ARID3C: variants seen among roughly 807,000 people sequenced by gnomAD.
ARID3C encodes the protein AT-rich interactive domain-containing protein 3C.
A neutral mutation model predicts 37.9 loss-of-function variants in ARID3C; 42 were observed. That is an observed-to-expected ratio of 1.11 (90% confidence interval 0.87 to 1.43). The LOEUF is 1.43. Among genes scored for constraint, ARID3C ranks in the 40% most tolerant of loss-of-function variants. The pLI, the probability that ARID3C is intolerant of heterozygous loss-of-function variation, is 0.00. For missense variants in ARID3C, 581 were observed against 548.8 expected (o/e 1.06, Z -0.59); for synonymous variants, 213 against 228.0 (o/e 0.93, Z 0.59).
At chr9:34,623,538 C>T in exon 4 of ARID3C, 1 of 1,582,432 alleles carries the variant, frequency 6.3e-7, no homozygotes, top group Non-Finnish European at 8.6e-7. Flanking sequence ...GGGGCCGGGA[C>T]CCAAGGCTGG....
chr9:34,623,147 C>CAAA (rs1334414839), intron 4 of ARID3C, among the ~76,000 whole-genome samples: 2 of 72,420 alleles, frequency 2.8e-5, no homozygotes, highest in African/African-American at 5.6e-5. Flanking sequence ...CTCCGTCTCA[C>CAAA]AAAAAAAAAA....
exon 7 of ARID3C, chr9:34,621,516 C>T (rs1820558951): frequency 6.4e-7 from 1 of 1,557,030 alleles, no homozygotes; most frequent in Non-Finnish European, 8.6e-7. Flanking sequence ...GTTGGTTGGA[C>T]CCTGGGAAGC....
At position 34,625,899 on chromosome 9, in the gene ARID3C, G is replaced by A. The variant is rs982717164; in HGVS notation, c.319-85C>T. 1.5e-5 allele frequency: 22 copies of A among 1,475,770 alleles called. No individual in the cohort carries two copies. The South Asian group carries it at 2.2e-4, about 15-fold the overall frequency. The allele number at this position is 1,475,770 out of a possible 1,614,324, so 91.4% of individuals were successfully genotyped here. A position where few individuals can be genotyped will look rare whatever the true frequency, so the allele number is the denominator to read the frequency against. On this transcript the variant is annotated intron_variant, in intron 1 of 6. Transcript: ENST00000378909. ...CAATTCAGGTTGTACCCTGAACAAGGGTCCCTAGCTGAAGGAGTCAGTAGG... is the reference window on the plus strand; with the variant it reads ...CAATTCAGGTTGTACCCTGAACAAGAGTCCCTAGCTGAAGGAGTCAGTAGG...
chr9:34,632,256 T>G (rs1352099120), upstream of ARID3C, among the ~76,000 whole-genome samples: 1 of 152,224 alleles, frequency 6.6e-6, no homozygotes, highest in African/African-American at 2.4e-5. Flanking sequence ...CGTGGATACC[T>G]AGGGACGAGC....
At chr9:34,626,169 T>G (rs973637684) in intron 1 of ARID3C, among the ~76,000 whole-genome samples, 2 of 152,188 alleles carry the variant, frequency 1.3e-5, no homozygotes, top group African/African-American at 4.8e-5. Flanking sequence ...GAAGCTAGGC[T>G]GGGGTTGTAT....
chr9:34,631,617 T>C (rs1013212695), upstream of ARID3C, among the ~76,000 whole-genome samples: 2 of 150,496 alleles, frequency 1.3e-5, no homozygotes, highest in African/African-American at 4.9e-5. Context: ...GTGTGTCAGA[T>C]AGTGGTAAGT....
chr9:34,627,642 T>C (rs1820673336), intron 1 of ARID3C, 55 bp downstream of exon 2: 1 of 1,507,190 alleles, frequency 6.6e-7, no homozygotes, highest in Middle Eastern at 1.8e-4. Context: ...GGCTGTGCTT[T>C]TGCCAGAAGA....
At position 34,627,672 on chromosome 9, in the gene ARID3C, C is replaced by A. The variant is rs780898521; in HGVS notation, c.318+25G>T. 3 of 1,561,688 alleles carry A rather than the reference C, an allele frequency of 1.9e-6. No individual in the cohort carries two copies. The Admixed American group carries it at 5.8e-5, about 30-fold the overall frequency. ...AGAAGAGAGAGATAGGGAAGAGGGC[C>A]GGACATTGAGGGCATAGGTCCTACC... On this transcript the variant is annotated intron_variant, in intron 1 of 6. Coordinates refer to ENST00000378909, the Ensembl canonical transcript of ARID3C.
rs1281851691 is a variant in ARID3C, at chr9:34,626,900, A to G, written c.318+797T>C. ...ATACCCAGACCAACACCCTACAAGT[A>G]CCAGAATAGCACACCTGGAGACACA... On this transcript the variant is annotated intron_variant, in intron 1 of 6. Transcript: ENST00000378909. 5.9e-5 allele frequency among the ~76,000 whole-genome samples: 9 copies of G among 152,186 alleles called. No homozygotes were observed. In the East Asian group the frequency reaches 1.7e-3, roughly 29 times the overall value.
chr9:34,622,363 G>A lies in ARID3C; in HGVS notation c.1032C>T (p.Gly344=), dbSNP rs780705005. 15 of 1,609,918 alleles carry A rather than the reference G, an allele frequency of 9.3e-6. 1 individual carries two copies. The highest frequency in any genetic ancestry group is 1.0e-5 in the Non-Finnish European group (12 of 1,177,986). Residue 344 remains glycine (G), a synonymous_variant, in exon 5 of 7, where the codon GGC becomes GGT. Transcript: ENST00000378909. ...CCTCCTCACCCCTCAGGGGAACCTT[G>A]CCACGGGGCAGGAAACTGGGGGGCA... is the stretch of plus-strand genomic sequence containing the variant.
intron 5 of ARID3C, 106 bp from the exon 7 acceptor site, chr9:34,622,215 G>A: frequency 6.4e-7 from 1 of 1,569,128 alleles, no homozygotes; most frequent in Non-Finnish European, 8.7e-7. Flanking sequence ...TTCCACTTCA[G>A]CCCCACACCT....
chr9:34,621,415 C>G (rs776704881), exon 7 of ARID3C: 5 of 1,346,316 alleles, frequency 3.7e-6, no homozygotes, highest in Non-Finnish European at 5.0e-6. Flanking sequence ...TCTCCTCCCC[C>G]CTCAGCAATG....
intron 5 of ARID3C, 46 bp downstream of exon 6, chr9:34,622,301 C>T (rs753987952): frequency 1.3e-6 from 2 of 1,575,184 alleles, no homozygotes; most frequent in South Asian, 1.2e-5. Context: ...TCAATCCTCC[C>T]TCAGTGTACA....
intron 4 of ARID3C, among the ~76,000 whole-genome samples, chr9:34,622,923 G>A (rs1820595653): frequency 2.0e-5 from 3 of 152,020 alleles, no homozygotes; most frequent in Admixed American, 6.5e-5. Flanking sequence ...GGAGGAGGGC[G>A]GATCACGTGG....
chr9:34,628,835 G>A (rs1261810802), upstream of ARID3C, among the ~76,000 whole-genome samples: 3 of 152,124 alleles, frequency 2.0e-5, no homozygotes, highest in Admixed American at 1.3e-4. This position sits in a 1 kb window ranked among gnomAD's most constrained non-coding sequence, Gnocchi z 5.2. Context: ...AGCCTGGGAC[G>A]GGCACGGGAC....
exon 3 of ARID3C, chr9:34,623,981 A>G: frequency 6.2e-7 from 1 of 1,603,954 alleles, no homozygotes; most frequent in Admixed American, 1.7e-5. Context: ...GGCGGTCACC[A>G]GGCGAAACAG....
rs140416861 is a variant in ARID3C, at chr9:34,626,390, C to A, written c.319-576G>T. Among the ~76,000 whole-genome samples, 617 of 152,262 alleles carry A rather than the reference C, an allele frequency of 4.1e-3. 10 individuals are homozygous for A. Among genetic ancestry groups the A allele is most frequent in the African/African-American group, 0.014 (583 of 41,536 alleles). On this transcript the variant is annotated intron_variant, in intron 1 of 6. Coordinates refer to ENST00000378909, the Ensembl canonical transcript of ARID3C. ...TTCTGGTCTGATTTCCTTTCAGAGG[C>A]AGTTAACCTGCCTACAGACGCTGCT...
intron 4 of ARID3C, among the ~76,000 whole-genome samples, chr9:34,623,147 CAAAAA>C (rs1334414839): frequency 1.4e-5 from 1 of 72,442 alleles, no homozygotes. Context: ...CTCCGTCTCA[CAAAAA>C]AAAAAAAAAA....
chr9:34,624,753 A>T (rs566682051), intron 2 of ARID3C, among the ~76,000 whole-genome samples: 1 of 152,332 alleles, frequency 6.6e-6, no homozygotes, highest in South Asian at 2.1e-4. Flanking sequence ...GACCCGAACA[A>T]TTAGCTGCGG....
Sources: allele counts gnomAD v4.1 joint callset (sites outside exome capture counted in the v4.1 genomes callset), GRCh38; gene constraint gnomAD v4.1.1; non-coding constraint Gnocchi (gnomAD v3.1); transcripts MANE v1.5; gene names NCBI Gene and HGNC (gene_info 2026-07-23, HGNC 2026-07-21).